The following EML1 variants were observed in gnomAD, a reference collection of about 807,000 sequenced individuals.
The protein encoded by EML1 is echinoderm microtubule-associated protein-like 1.
EML1 carries 27 observed loss-of-function variants against 110.4 expected under a neutral mutation model. The observed-to-expected ratio is 0.24, with a 90% CI of 0.18 to 0.34. EML1 has a LOEUF of 0.34. Among genes scored for constraint, EML1 ranks in the 10% least tolerant of loss-of-function variants. The pLI is 1.00. For synonymous variants in EML1, 344 were observed against 385.8 expected (o/e 0.89, Z 1.27); for missense variants, 741 against 1,030.9 (o/e 0.72, Z 3.85).
chr14:99,835,001 T>TA (rs1237476344), intron 1 of EML1, among the ~76,000 whole-genome samples: 1 of 151,458 alleles, frequency 6.6e-6, no homozygotes, highest in African/African-American at 2.4e-5. Flanking sequence ...TGTATTTTTT[T>TA]TGTAGAGATG....
chr14:99,894,691 C>G lies in EML1; in HGVS notation c.610C>G (p.Gln204Glu). Residue 204 changes from glutamine (Q) to glutamate (E), a missense_variant, in exon 6 of 22, where the codon CAA becomes GAA. This residue lies in a region of EML1 where 226 missense variants were observed against 255.6 expected (regional missense o/e 0.88). Transcript: ENST00000262233. ...RPVTMYMPKD[Q>E]VDSYSLEAKV... ...TGTTACCATGTACATGCCCAAAGAT[C>G]AAGTGGATTCTTACAGCTTGGAAGC... 6.2e-7 allele frequency: 1 copy of G among 1,613,712 alleles called. No individual in the cohort carries two copies.
upstream of EML1, among the ~76,000 whole-genome samples, chr14:99,770,377 T>TCTATCTATCTA (rs2057411413): frequency 1.3e-5 from 2 of 150,186 alleles, no homozygotes; most frequent in African/African-American, 2.5e-5. Context: ...AAAAATTTCT[T>TCTATCTATCTA]TCTATCTATC....
At chr14:99,888,786 T>C (rs2059528840) in intron 4 of EML1, among the ~76,000 whole-genome samples, 1 of 152,194 alleles carries the variant, frequency 6.6e-6, no homozygotes, top group Non-Finnish European at 1.5e-5. Context: ...GCCCCACGGC[T>C]GCTTTTGTCT....
At chr14:99,768,421 G>A (rs151084367), upstream of EML1, among the ~76,000 whole-genome samples, 816 of 152,244 alleles carry the variant, frequency 5.4e-3, 4 homozygotes, top group African/African-American at 0.019. Context: ...GAGCTGCCTC[G>A]GAGGAAGAGG....
intron 1 of EML1, among the ~76,000 whole-genome samples, chr14:99,811,395 A>G (rs1304687689): frequency 6.6e-6 from 1 of 151,842 alleles, no homozygotes; most frequent in Non-Finnish European, 1.5e-5. Context: ...ACAGCTTACT[A>G]TTGACCGGAA....
At chr14:99,752,513 C>A (rs1038068888) in intron 1 of EML1, among the ~76,000 whole-genome samples, 1 of 152,252 alleles carries the variant, frequency 6.6e-6, no homozygotes, top group Non-Finnish European at 1.5e-5. Flanking sequence ...CCAGCACCTC[C>A]AGGCCAGCAG....
In EML1 at chr14:99,842,714, A is replaced by G. The variant is rs190309711; in HGVS notation, c.68-8139A>G. On this transcript the variant is annotated intron_variant, in intron 1 of 21. Coordinates refer to ENST00000262233, the MANE Select transcript of EML1 (RefSeq NM_004434.3). ...TATTCTGATTTGTGCAGTTTTATTA[A>G]AGCCACTGAGACCACAGTGATGCTA... 2.4e-4 allele frequency among the ~76,000 whole-genome samples: 37 copies of G among 152,362 alleles called. No individual in the cohort carries two copies. The East Asian group carries it at 5.4e-3, about 22-fold the overall frequency.
intron 1 of EML1, among the ~76,000 whole-genome samples, chr14:99,847,391 T>G (rs1352420722): frequency 6.6e-6 from 1 of 152,156 alleles, no homozygotes; most frequent in Non-Finnish European, 1.5e-5. Context: ...CATTCTGTTT[T>G]CGAGGCTGGA....
Position 99,850,861 on chromosome 14 carries a change from G to A in EML1, c.76G>A (p.Ala26Thr), listed in dbSNP as rs772128160. The part of the protein sequence containing the change: ...SLLQFCNDDS[A>T]SAASSMEVTD... Reference sequence around the variant, plus strand: ...TCCTTTCTTTGGTTTAGATGACAGCGCTTCTGCTGCAAGTAGCATGGAGGT... The same window carrying A: ...TCCTTTCTTTGGTTTAGATGACAGCACTTCTGCTGCAAGTAGCATGGAGGT... Residue 26 changes from alanine to threonine, a missense_variant, in exon 2 of 22, where the codon GCT becomes ACT. Coordinates refer to ENST00000262233, the MANE Select transcript of EML1 (RefSeq NM_004434.3). 15 of 1,613,186 alleles carry A rather than the reference G, an allele frequency of 9.3e-6. No individual in the cohort carries two copies. Among genetic ancestry groups the A allele is most frequent in the African/African-American group, 8.0e-5 (6 of 74,890 alleles).
chr14:99,773,308 T>A (rs2057445367), exon 1 of EML1: 1 of 152,234 alleles, frequency 6.6e-6, no homozygotes, highest in Non-Finnish European at 1.5e-5. Context: ...AGTTCTAAAA[T>A]TAAAATACAT....
At chr14:99,890,179 GCACTATGGTGCCTTATGGGTT>G (rs927420365) in intron 4 of EML1, among the ~76,000 whole-genome samples, 9 of 152,118 alleles carry the variant, frequency 5.9e-5, no homozygotes, top group African/African-American at 1.9e-4. Context: ...AGCATTTAAG[GCACTATGGTGCCTTATGGGTT>G]CACTATGGTG....
At chr14:99,795,091 C>A (rs984462126) in intron 1 of EML1, among the ~76,000 whole-genome samples, 17 of 152,146 alleles carry the variant, frequency 1.1e-4, no homozygotes, top group Admixed American at 7.2e-4. Flanking sequence ...TCAGGTCTTA[C>A]AAATTTAATC....
At chr14:99,930,355 A>G (rs982638012) in intron 17 of EML1, among the ~76,000 whole-genome samples, 1 of 152,212 alleles carries the variant, frequency 6.6e-6, no homozygotes, top group Non-Finnish European at 1.5e-5. Context: ...TCAGCACTGG[A>G]ACTCTGGGCA....
At chr14:99,861,644 G>GTGA (rs1317171533) in intron 2 of EML1, among the ~76,000 whole-genome samples, 4 of 152,002 alleles carry the variant, frequency 2.6e-5, no homozygotes, top group African/African-American at 4.8e-5. Context: ...ACCACGCCTG[G>GTGA]CTAATTTTTC....
At chr14:99,878,647 G>C in intron 4 of EML1, 28 bp downstream of exon 4, 8 of 1,606,424 alleles carry the variant, frequency 5.0e-6, no homozygotes, top group Non-Finnish European at 6.8e-6. Context: ...CTCAGTTCCT[G>C]CTGTTCAGAT....
upstream of EML1, among the ~76,000 whole-genome samples, chr14:99,771,326 A>C (rs1252083099): frequency 6.6e-6 from 1 of 152,188 alleles, no homozygotes; most frequent in Non-Finnish European, 1.5e-5. Flanking sequence ...TATAAATGGG[A>C]TTATGGTCTC....
chr14:99,793,480 GA>G lies in EML1; in HGVS notation c.5del (p.Glu2GlyfsTer33). 1 of 1,053,186 alleles carries G rather than the reference GA, an allele frequency of 9.5e-7. No individual in the cohort carries two copies. The allele number at this position is 1,053,186 out of a possible 1,614,324, so 65.2% of individuals were successfully genotyped here. On this transcript the variant is annotated frameshift_variant, in exon 1 of 22. Transcript: ENST00000262233. LOFTEE classifies it high-confidence loss of function. MEDGFSSYSSLY... is the reference protein window; with the variant it reads MXDGFSSYSSLY... Reference sequence around the variant, plus strand: ...GGCGCGGCCCGGCGGCCTCAGCATGGAGGACGGCTTCTCCAGCTACAGCAGC... The same window carrying G: ...GGCGCGGCCCGGCGGCCTCAGCATGGGGACGGCTTCTCCAGCTACAGCAGC...
rs1010342221 is a variant in EML1 at position 99,939,571 on chromosome 14, C to T, written c.2322+244C>T. On this transcript the variant is annotated intron_variant, in intron 21 of 21. Transcript: ENST00000262233. This position sits in a 1 kb window ranked among gnomAD's most constrained non-coding sequence, Gnocchi z 4.2. ...CTGCAGCCCCACAGGCTCACGACCC[C>T]GCCCTCCCCCACGGCTCCCTTGCTC... Among the ~76,000 whole-genome samples, 5 of 152,186 alleles carry T rather than the reference C, an allele frequency of 3.3e-5. No homozygotes were observed. Among genetic ancestry groups the T allele is most frequent in the Non-Finnish European group, 7.3e-5 (5 of 68,034 alleles).
rs1037351127 is a variant in EML1, at chr14:99,738,163, A to G, written c.28+303A>G. Among the ~76,000 whole-genome samples the G allele has an allele frequency of 5.9e-5, 9 of 152,190 alleles. No homozygotes were observed. The South Asian group carries it at 1.9e-3, about 31-fold the overall frequency. On this transcript the variant is annotated intron_variant, in intron 1 of 10. Coordinates refer to the EML1 transcript ENST00000554479. Reference sequence around the variant, plus strand: ...CCAGGACAGAGGGGCAGGGGCTGCGACGGGACCCATGGGTGGGCTCAGGAT... The same window carrying G: ...CCAGGACAGAGGGGCAGGGGCTGCGGCGGGACCCATGGGTGGGCTCAGGAT...
Sources: allele counts gnomAD v4.1 joint callset (sites outside exome capture counted in the v4.1 genomes callset), GRCh38; gene constraint gnomAD v4.1.1; regional missense constraint gnomAD v4.1.1; non-coding constraint Gnocchi (gnomAD v3.1); transcripts MANE v1.5; gene names NCBI Gene and HGNC (gene_info 2026-07-23, HGNC 2026-07-21).